METTL8: variants seen among roughly 807,000 people sequenced by gnomAD.
METTL8 encodes tRNA N(3)-cytidine methyltransferase METTL8, mitochondrial.
A neutral mutation model predicts 48.7 loss-of-function variants in METTL8; 32 were observed. The ratio of observed to expected loss-of-function variants is 0.66; its 90% CI spans 0.50 to 0.88. METTL8 has a LOEUF of 0.88. Among genes scored for constraint, METTL8 ranks in the 40% least tolerant of loss-of-function variants. METTL8 has a pLI of 0.00. For missense variants in METTL8, 464 were observed against 474.4 expected (o/e 0.98, Z 0.20); for synonymous variants, 136 against 157.1 (o/e 0.87, Z 1.01).
intron 1 of METTL8, among the ~76,000 whole-genome samples, chr2:171,427,273 T>C (rs1240588218): frequency 6.6e-6 from 1 of 152,156 alleles, no homozygotes; most frequent in Non-Finnish European, 1.5e-5. Context: ...CACTATAATC[T>C]CTTACCTGGA....
intron 1 of METTL8, among the ~76,000 whole-genome samples, chr2:171,397,129 CT>C (rs1383436337): frequency 2.6e-5 from 4 of 151,470 alleles, no homozygotes; most frequent in Non-Finnish European, 4.4e-5. Context: ...GCCTCAGCTT[CT>C]ATCTTCACAA....
At chr2:171,427,091 G>C (rs550434894) in intron 1 of METTL8, among the ~76,000 whole-genome samples, 1 of 152,262 alleles carries the variant, frequency 6.6e-6, no homozygotes, top group Non-Finnish European at 1.5e-5. Flanking sequence ...TTGTTTTGAG[G>C]AGTTTGGGAA....
Position 171,319,805 on chromosome 2 carries a change from C to T in METTL8, c.*4367G>A, listed in dbSNP as rs756062963. 7.2e-5 allele frequency: 11 copies of T among 152,102 alleles called. No individual in the cohort carries two copies. Among genetic ancestry groups the T allele is most frequent in the Non-Finnish European group, 1.6e-4 (11 of 68,038 alleles). The allele number at this position is 152,102 out of a possible 1,614,324, so 9.4% of individuals were successfully genotyped here. A position where few individuals can be genotyped will look rare whatever the true frequency, so the allele number is the denominator to read the frequency against. ...TGAGAATTTTTACATTTGGACGATG[C>T]TCAAAAGTGAATTTTTAGAAATGGA... On this transcript the variant is annotated 3_prime_UTR_variant, in exon 10 of 10. Coordinates refer to ENST00000375258, the MANE Select transcript of METTL8 (RefSeq NM_001321154.2).
In METTL8 at chr2:171,377,942, C is replaced by T. The variant is rs116862357; in HGVS notation, c.143+14101G>A. ...ACAAAACAAAACAAAACAAAAAACA[C>T]ATGCACATGCATGTTTATAGCAGCA... On this transcript the variant is annotated intron_variant, in intron 2 of 9. Coordinates refer to ENST00000375258, the MANE Select transcript of METTL8 (RefSeq NM_001321154.2). Among the ~76,000 whole-genome samples, 203 of 152,194 alleles carry T rather than the reference C, an allele frequency of 1.3e-3. 4 individuals are homozygous for T. In the East Asian group the frequency reaches 0.014, roughly 11 times the overall value.
At chr2:171,333,219 C>T (rs1451574719) in intron 5 of METTL8, among the ~76,000 whole-genome samples, 3 of 152,026 alleles carry the variant, frequency 2.0e-5, no homozygotes, top group Non-Finnish European at 4.4e-5. Context: ...CTGCCTCAGC[C>T]TCCCAAGTAG....
rs546735692 is a variant in METTL8 at position 171,372,688 on chromosome 2, A to G, written c.144-12175T>C. On this transcript the variant is annotated intron_variant, in intron 2 of 9. Coordinates refer to ENST00000375258, the MANE Select transcript of METTL8 (RefSeq NM_001321154.2). ...GTGACGTTCCCCTTCCTGTGTGCAA[A>G]TGTTCTCATTGTTCAATTCCTACCT... Among the ~76,000 whole-genome samples, 25 of 151,920 alleles carry G rather than the reference A, an allele frequency of 1.6e-4. No individual in the cohort carries two copies. In the East Asian group the frequency reaches 4.6e-3, roughly 28 times the overall value.
intron 1 of METTL8, among the ~76,000 whole-genome samples, chr2:171,431,486 G>A (rs1300851284): frequency 6.6e-6 from 1 of 152,182 alleles, no homozygotes; most frequent in African/African-American, 2.4e-5. Context: ...CTGATTGTGA[G>A]ACAAAAACTC....
At chr2:171,399,236 A>T (rs1372655625) in intron 1 of METTL8, among the ~76,000 whole-genome samples, 1 of 152,164 alleles carries the variant, frequency 6.6e-6, no homozygotes, top group African/African-American at 2.4e-5. Flanking sequence ...ATCACTAAGG[A>T]ACAGACGAGA....
At chr2:171,372,943 T>A (rs1364681622) in intron 2 of METTL8, among the ~76,000 whole-genome samples, 1 of 152,212 alleles carries the variant, frequency 6.6e-6, no homozygotes, top group African/African-American at 2.4e-5. Flanking sequence ...GCAATAAACA[T>A]ACGTGTGCAT....
chr2:171,389,425 C>G (rs140696389), intron 2 of METTL8, among the ~76,000 whole-genome samples: 1,628 of 146,822 alleles, frequency 0.011, 36 homozygotes, highest in African/African-American at 0.038. Flanking sequence ...GAGGCTGAGG[C>G]CAGAGAATCA....
At chr2:171,397,737 T>C (rs1232858603) in intron 1 of METTL8, among the ~76,000 whole-genome samples, 1 of 151,918 alleles carries the variant, frequency 6.6e-6, no homozygotes, top group Non-Finnish European at 1.5e-5. Flanking sequence ...GAATGAAAAA[T>C]GAGATATCAC....
At chr2:171,402,978 TA>T (rs1689791860) in intron 1 of METTL8, among the ~76,000 whole-genome samples, 2 of 152,260 alleles carry the variant, frequency 1.3e-5, no homozygotes, top group South Asian at 4.1e-4. Flanking sequence ...CAACCCAAAG[TA>T]TAAAATAAAT....
At chr2:171,382,734 A>G (rs977884661) in intron 2 of METTL8, among the ~76,000 whole-genome samples, 3 of 152,094 alleles carry the variant, frequency 2.0e-5, no homozygotes, top group Admixed American at 2.0e-4. Flanking sequence ...AAAAAAAAAG[A>G]AAGAAAAAAA....
At chr2:171,345,295 T>G (rs567194954) in intron 3 of METTL8, among the ~76,000 whole-genome samples, 2 of 152,284 alleles carry the variant, frequency 1.3e-5, no homozygotes, top group Non-Finnish European at 2.9e-5. Context: ...ACTAAGAAAT[T>G]GAATTAAACC....
chr2:171,382,541 C>T lies in METTL8; in HGVS notation c.143+9502G>A, dbSNP rs142862729. 3.3e-3 allele frequency among the ~76,000 whole-genome samples: 499 copies of T among 152,124 alleles called. 1 individual carries two copies. Among genetic ancestry groups the T allele is most frequent in the Non-Finnish European group, 5.3e-3 (363 of 67,996 alleles). On this transcript the variant is annotated intron_variant, in intron 2 of 9. Coordinates refer to ENST00000375258, the MANE Select transcript of METTL8 (RefSeq NM_001321154.2). Reference sequence around the variant, plus strand: ...GACACAGGCAGGGGAACAACATACACAGGGGCCTGTCCAGGGGTGGAGGGC... The same window carrying T: ...GACACAGGCAGGGGAACAACATACATAGGGGCCTGTCCAGGGGTGGAGGGC...
chr2:171,391,455 C>G (rs907843552), intron 2 of METTL8, among the ~76,000 whole-genome samples: 2 of 152,164 alleles, frequency 1.3e-5, no homozygotes, highest in Admixed American at 1.3e-4. Context: ...TCTGACTATG[C>G]CCAAACAGAA....
At chr2:171,356,950 A>ATGTGTTTTTTTTTTTTTTTT (rs1202277226) in intron 3 of METTL8, among the ~76,000 whole-genome samples, 1 of 4,746 alleles carries the variant, frequency 2.1e-4, no homozygotes, top group African/African-American at 2.9e-4. Flanking sequence ...TTCAAAGACA[A>ATGTGTTTTTTTTTTTTTTTT]TATTTTTTTT....
chr2:171,397,627 G>A (rs1207403254), intron 1 of METTL8, among the ~76,000 whole-genome samples: 1 of 147,422 alleles, frequency 6.8e-6, no homozygotes, highest in African/African-American at 2.5e-5. Context: ...AAAAATCAAA[G>A]TCAAAAGTTA....
intron 1 of METTL8, among the ~76,000 whole-genome samples, chr2:171,405,861 T>C (rs1366038635): frequency 6.6e-6 from 1 of 152,120 alleles, no homozygotes; most frequent in African/African-American, 2.4e-5. Flanking sequence ...GACACTCCTT[T>C]CCCAATGAGC....
Sources: gnomAD v4.1 joint callset for allele counts (sites outside exome capture counted in the v4.1 genomes callset) on GRCh38, gnomAD v4.1.1 for gene constraint, MANE v1.5 for transcripts, NCBI Gene and HGNC (gene_info 2026-07-23, HGNC 2026-07-21) for gene names.